Variants in FEZ2 observed in about 807,000 individuals in gnomAD.
FEZ2 encodes the protein fasciculation and elongation protein zeta 2, also known as fasciculation and elongation protein zeta-2.
A neutral mutation model predicts 40.4 loss-of-function variants in FEZ2; 51 were observed. The ratio of observed to expected loss-of-function variants is 1.26; its 90% confidence interval spans 1.01 to 1.59. The LOEUF (loss-of-function observed/expected upper bound fraction) is 1.59, where lower values mean the gene tolerates loss of function less well. Ranked by LOEUF, FEZ2 falls within the 40% of genes most tolerant of loss-of-function variation. The pLI is 0.00. For missense variants in FEZ2, 640 were observed against 438.3 expected, an observed-to-expected ratio of 1.46 and a Z score of -4.11; for synonymous variants, 242 against 172.0, an observed-to-expected ratio of 1.41 and a Z score of -3.18.
At chr2:36,583,277 T>C (rs1573024048) in intron 3 of FEZ2, 76 bp downstream of exon 3, 1 of 762,754 alleles carries the variant, frequency 1.3e-6, no homozygotes, top group Admixed American at 2.0e-5. Flanking sequence ...ACAGCCATCA[T>C]TTACTGTCAT....
rs151248322 is a variant in FEZ2 at position 36,573,855 on chromosome 2, T to C, written c.903+4742A>G. Among the ~76,000 whole-genome samples the C allele has an allele frequency of 3.5e-4, 54 of 152,378 alleles. No individual in the cohort carries two copies. The East Asian group carries it at 8.7e-3, about 24-fold the overall frequency. ...ATTCAAAAGCTCTTAATATCTCCTG[T>C]TGGCGGGAGGTGTGGGAAAATGGTC... On this transcript the variant is annotated intron_variant, in intron 5 of 7. Coordinates refer to ENST00000405912, the MANE Select transcript of FEZ2 (RefSeq NM_005102.3).
intron 3 of FEZ2, 82 bp from the exon 4 acceptor site, chr2:36,581,513 C>A (rs1668747449): frequency 1.6e-6 from 2 of 1,257,262 alleles, no homozygotes; most frequent in Non-Finnish European, 1.1e-6. Context: ...ACCTAAGGCA[C>A]CCAGAGCAGA....
At position 36,568,367 on chromosome 2, in the gene FEZ2, A is replaced by G. The variant is rs554891151; in HGVS notation, c.904-9854T>C. Among the ~76,000 whole-genome samples the G allele has an allele frequency of 5.9e-5, 9 of 152,372 alleles. 1 individual carries two copies. In the South Asian group the frequency reaches 1.9e-3, roughly 32 times the overall value. On this transcript the variant is annotated intron_variant, in intron 5 of 7. Coordinates refer to ENST00000405912, the MANE Select transcript of FEZ2 (RefSeq NM_005102.3). ...TAAATAAATAAGTAAATAATTTTTT[A>G]AAAGAAAAGAAAAAACAATTTGTTA... is the stretch of plus-strand genomic sequence containing the variant.
At chr2:36,558,542 C>T in intron 5 of FEZ2, 29 bp from the exon 6 acceptor site, 1 of 1,373,888 alleles carries the variant, frequency 7.3e-7, no homozygotes, top group Non-Finnish European at 9.8e-7. Flanking sequence ...AAAAGTGTCA[C>T]TTAAATCGGA....
intron 5 of FEZ2, chr2:36,560,813 G>A: frequency 6.2e-7 from 1 of 1,611,110 alleles, no homozygotes; most frequent in African/African-American, 1.3e-5. Context: ...ATTTCCAAAG[G>A]TGTGGCGGAG....
Position 36,581,318 on chromosome 2 carries a change from C to T in FEZ2, c.606G>A (p.Lys202=). ...SMLSQEIQTL[K]RSSTGSYEER... ...CTTCATAACTGCCGGTACTAGACCT[C>T]TTGAGAGTTTGAATTTCCTGGGAAA... Residue 202 remains lysine (K), a synonymous_variant, in exon 4 of 8, where the codon AAG becomes AAA. Coordinates refer to ENST00000405912, the MANE Select transcript of FEZ2 (RefSeq NM_005102.3). 6.2e-7 allele frequency: 1 copy of T among 1,613,882 alleles called. No individual in the cohort carries two copies. The highest frequency in any genetic ancestry group is 8.5e-7 in the Non-Finnish European group (1 of 1,179,802).
At chr2:36,566,245 C>A (rs1459086354) in intron 5 of FEZ2, among the ~76,000 whole-genome samples, 1 of 151,504 alleles carries the variant, frequency 6.6e-6, no homozygotes, top group Non-Finnish European at 1.5e-5. Flanking sequence ...GAGGCTGAGG[C>A]AGGAGAATGG....
At chr2:36,580,641 G>A (rs1232833718) in intron 4 of FEZ2, among the ~76,000 whole-genome samples, 1 of 152,140 alleles carries the variant, frequency 6.6e-6, no homozygotes, top group African/African-American at 2.4e-5. Flanking sequence ...GTACAAACAG[G>A]AATTGCATTT....
intron 2 of FEZ2, among the ~76,000 whole-genome samples, chr2:36,585,472 T>G (rs1211532141): frequency 1.3e-5 from 2 of 152,184 alleles, no homozygotes; most frequent in East Asian, 1.9e-4. Context: ...ATTAGAATTT[T>G]TATTGCAGAG....
At chr2:36,597,369 C>A (rs919472813) in intron 1 of FEZ2, among the ~76,000 whole-genome samples, 1 of 152,208 alleles carries the variant, frequency 6.6e-6, no homozygotes, top group South Asian at 2.1e-4. Context: ...TACATATAAC[C>A]ATTGCAGCGC....
chr2:36,572,159 T>C (rs1668436274), intron 5 of FEZ2, among the ~76,000 whole-genome samples: 1 of 152,154 alleles, frequency 6.6e-6, no homozygotes, highest in Admixed American at 6.5e-5. Flanking sequence ...TGTCTCCATA[T>C]TTAGAGAACA....
chr2:36,559,642 A>G (rs1668042518), intron 5 of FEZ2, among the ~76,000 whole-genome samples: 1 of 152,192 alleles, frequency 6.6e-6, no homozygotes, highest in Non-Finnish European at 1.5e-5. Context: ...CTTTGTAAAG[A>G]ACAACAACAA....
rs1668657103 is a variant in FEZ2 at position 36,578,930 on chromosome 2, T to C, written c.635-65A>G. On this transcript the variant is annotated intron_variant, in intron 4 of 7. Coordinates refer to ENST00000405912, the MANE Select transcript of FEZ2 (RefSeq NM_005102.3). Reference sequence around the variant, plus strand: ...AACATTTCAAGGAAGCAAAACAGAGTAGTCACTAGGAATGACTAAATAAAC... The same window carrying C: ...AACATTTCAAGGAAGCAAAACAGAGCAGTCACTAGGAATGACTAAATAAAC... 25 of 1,379,494 alleles carry C rather than the reference T, an allele frequency of 1.8e-5. No individual in the cohort carries two copies. In the South Asian group the frequency reaches 2.1e-4, roughly 11 times the overall value. 85.5% of individuals were successfully genotyped at this position (1,379,494 alleles called of 1,614,324 possible). A position where few individuals can be genotyped will look rare whatever the true frequency, so the allele number is the denominator to read the frequency against.
At chr2:36,573,061 G>A (rs1322852699) in intron 5 of FEZ2, among the ~76,000 whole-genome samples, 1 of 152,102 alleles carries the variant, frequency 6.6e-6, no homozygotes, top group Non-Finnish European at 1.5e-5. Flanking sequence ...AACTTTTTCA[G>A]GGTTGACTGA....
intron 5 of FEZ2, among the ~76,000 whole-genome samples, chr2:36,562,146 T>C (rs955937309): frequency 1.3e-5 from 2 of 152,250 alleles, no homozygotes; most frequent in African/African-American, 2.4e-5. Context: ...GTTAATGAGA[T>C]TGACAAAAAT....
intron 2 of FEZ2, among the ~76,000 whole-genome samples, chr2:36,585,183 T>C (rs543979683): frequency 6.6e-6 from 1 of 152,096 alleles, no homozygotes; most frequent in East Asian, 1.9e-4. Context: ...TGCTAGAAAA[T>C]AATCGATGTA....
intron 6 of FEZ2, 43 bp from the exon 7 acceptor site, chr2:36,555,791 T>G (rs752823497): frequency 2.7e-6 from 3 of 1,130,756 alleles, no homozygotes; most frequent in African/African-American, 1.6e-5. Flanking sequence ...ATTAAAAATT[T>G]AGATCAAAAA....
intron 5 of FEZ2, 174 bp from the exon 6 acceptor site, chr2:36,558,687 A>AT (rs142784384): frequency 7.8e-4 from 305 of 390,630 alleles, no homozygotes; most frequent in South Asian, 1.1e-3. Context: ...GATGGAGCTC[A>AT]TTTTTTTTTG....
chr2:36,579,458 G>A (rs1276166919), intron 4 of FEZ2, among the ~76,000 whole-genome samples: 2 of 152,086 alleles, frequency 1.3e-5, no homozygotes, highest in Non-Finnish European at 2.9e-5. Flanking sequence ...GGATCATGAG[G>A]GCAATTTCTA....
Sources: gnomAD v4.1 joint callset for allele counts (sites outside exome capture counted in the v4.1 genomes callset) on GRCh38, gnomAD v4.1.1 for gene constraint, MANE v1.5 for transcripts, NCBI Gene and HGNC (gene_info 2026-07-23, HGNC 2026-07-21) for gene names.